Variants in SNAPC4 observed in about 807,000 individuals in gnomAD.
SNAPC4 encodes the protein small nuclear RNA activating complex polypeptide 4.
Under a neutral mutation model 151.3 loss-of-function variants are expected in SNAPC4, and 127 were observed. The observed-to-expected ratio is 0.84, with a 90% confidence interval of 0.73 to 0.97. The LOEUF (loss-of-function observed/expected upper bound fraction) is 0.97. Among genes scored for constraint, SNAPC4 ranks in the 50% least tolerant of loss-of-function variants. The pLI is 0.00. For synonymous variants in SNAPC4, 1,002 were observed against 824.4 expected (o/e 1.22, Z -3.69); for missense variants, 2,186 against 1,935.0 (o/e 1.13, Z -2.43).
At chr9:136,387,393 G>A (rs765552350) in intron 13 of SNAPC4, 92 bp downstream of exon 13, 28 of 922,690 alleles carry the variant, frequency 3.0e-5, no homozygotes, top group African/African-American at 2.3e-4. Context: ...AGCGCTGGCC[G>A]CTGTCCCCCA....
rs554228247 is a variant in SNAPC4, at chr9:136,382,039, G to A, written c.2102C>T (p.Ser701Leu). 1.1e-5 allele frequency: 18 copies of A among 1,601,948 alleles called. No individual in the cohort carries two copies. The highest frequency in any genetic ancestry group is 3.4e-5 in the Admixed American group (2 of 58,764). The change falls in exon 18 of 24, where the codon TCA (serine) becomes TTA (leucine). Residue 701 changes from serine to leucine, a missense_variant. By Grantham distance (145) the Ser-to-Leu change is moderately radical. Coordinates refer to ENST00000684778, the MANE Select transcript of SNAPC4 (RefSeq NM_003086.4). Reference protein sequence around the residue: ...EQLRQPPLPTSSPGVSSGDSV... With the variant: ...EQLRQPPLPTLSPGVSSGDSV... ...GTCACCAGAGCTGACCCCTGGGGATGAGGTGGGCAGGGGTGGCTGCCTCAG... is the reference window on the plus strand; with the variant it reads ...GTCACCAGAGCTGACCCCTGGGGATAAGGTGGGCAGGGGTGGCTGCCTCAG...
At chr9:136,384,881 T>C (rs1833838744) in intron 13 of SNAPC4, 67 bp from the exon 14 acceptor site, 1 of 826,668 alleles carries the variant, frequency 1.2e-6, no homozygotes, top group African/African-American at 1.7e-5. Flanking sequence ...TGCCCCAAGC[T>C]TCTTTAATGG....
intron 22 of SNAPC4, among the ~76,000 whole-genome samples, chr9:136,377,147 C>CA (rs142726740): frequency 0.11 from 15,988 of 152,258 alleles, 1,064 homozygotes; most frequent in Admixed American, 0.18. Flanking sequence ...AATCCAGAGA[C>CA]AAACACAGCC....
At chr9:136,397,867 G>GA (rs1045865541) in intron 2 of SNAPC4, among the ~76,000 whole-genome samples, 2 of 152,004 alleles carry the variant, frequency 1.3e-5, no homozygotes, top group African/African-American at 4.8e-5. Context: ...CTCCTCCCAG[G>GA]ATGGTCCACT....
At position 136,388,820 on chromosome 9, in the gene SNAPC4, C is replaced by G. The variant is rs547312116; in HGVS notation, c.976-229G>C. 3.3e-5 allele frequency among the ~76,000 whole-genome samples: 5 copies of G among 150,174 alleles called. No individual in the cohort carries two copies. The East Asian group carries it at 1.0e-3, about 30-fold the overall frequency. On this transcript the variant is annotated intron_variant, in intron 10 of 23. Coordinates refer to ENST00000684778, the MANE Select transcript of SNAPC4 (RefSeq NM_003086.4). The stretch of plus-strand genomic sequence containing the variant: ...AGGAAGGACCAGGTGAGAGAGGAAT[C>G]AAACCTTCACTTAAGAAAATATTAA...
Position 136,395,678 on chromosome 9 carries a change from G to A in SNAPC4, c.270C>T (p.Asn90=). 6.2e-7 allele frequency: 1 copy of A among 1,613,436 alleles called. No individual in the cohort carries two copies. The highest frequency in any genetic ancestry group is 8.5e-7 in the Non-Finnish European group (1 of 1,179,996). Residue 90 remains asparagine (N), a synonymous_variant, in exon 4 of 24, where the codon AAC becomes AAT. Coordinates refer to ENST00000684778, the MANE Select transcript of SNAPC4 (RefSeq NM_003086.4). ...CCTGGATGACCTCCTGGTAGACCAT[G>A]TTCAGCTGCAGGCAGGTTTCTGGGT... ...PEDPETCLQL[N]MVYQEVIQEK... is the part of the protein sequence containing the mutation.
Position 136,378,845 on chromosome 9 carries a change from T to G in SNAPC4, c.2982A>C (p.Ser994=), listed in dbSNP as rs900483929. 6.2e-7 allele frequency: 1 copy of G among 1,607,120 alleles called. No homozygotes were observed. The highest frequency in any genetic ancestry group is 1.3e-5 in the African/African-American group (1 of 74,844). The change falls in exon 22 of 24, where the codon TCA becomes TCC. Residue 994 remains serine (S), a synonymous_variant. Coordinates refer to ENST00000684778, the MANE Select transcript of SNAPC4 (RefSeq NM_003086.4). ...MQALPLAPVF[S]EAEGTAPAAS... ...CAGCAGGGGCTGTGCCCTCGGCCTC[T>G]GAGAAGACAGGAGCGAGGGGCAGGG...
rs371988519 is a variant in SNAPC4, at chr9:136,392,662, G to A, written c.737+11C>T. The A allele has an allele frequency of 1.2e-6, 2 of 1,613,208 alleles. No homozygotes were observed. The highest frequency in any genetic ancestry group is 2.2e-5 in the East Asian group (1 of 44,874). ...GGGCTCCCCTGGGCCCTCCCGGGAG[G>A]CCCCCCTCACTTGATGTCCTGGATC... On this transcript the variant is annotated intron_variant, in intron 8 of 23. Coordinates refer to ENST00000684778, the MANE Select transcript of SNAPC4 (RefSeq NM_003086.4).
chr9:136,379,033 G>C lies in SNAPC4; in HGVS notation c.2794C>G (p.Pro932Ala), dbSNP rs150618384. 1,991 of 1,598,372 alleles carry C rather than the reference G, an allele frequency of 1.2e-3. 3 individuals carry two copies. The highest frequency in any genetic ancestry group is 9.3e-3 in the Middle Eastern group (56 of 6,024). The change falls in exon 22 of 24, where the codon CCT becomes GCT. Residue 932 changes from proline (P) to alanine (A), a missense_variant. Physicochemically the swap from Pro to Ala is conservative, Grantham distance 27. Coordinates refer to ENST00000684778, the MANE Select transcript of SNAPC4 (RefSeq NM_003086.4). ...LVSSSVILQPPLPHTPHGRPA... is the reference protein window; with the variant it reads ...LVSSSVILQPALPHTPHGRPA... Reference sequence around the variant, plus strand: ...CGGCCGTGTGGGGTGTGTGGTAGAGGGGGCTGGAGGATCACAGACGAGGAG... The same window carrying C: ...CGGCCGTGTGGGGTGTGTGGTAGAGCGGGCTGGAGGATCACAGACGAGGAG...
At chr9:136,382,217 G>A (rs1267981257) in intron 17 of SNAPC4, 36 bp downstream of exon 17, 2 of 1,603,042 alleles carry the variant, frequency 1.2e-6, no homozygotes, top group Non-Finnish European at 1.7e-6. Context: ...CGGGGCACGT[G>A]GTGGCGTGCG....
intron 10 of SNAPC4, among the ~76,000 whole-genome samples, chr9:136,390,037 C>T (rs970839193): frequency 4.6e-5 from 7 of 152,192 alleles, no homozygotes; most frequent in Admixed American, 4.6e-4. Flanking sequence ...CCAAAAATCA[C>T]AAGGAGAAAA....
At chr9:136,381,254 G>T in intron 19 of SNAPC4, 68 bp downstream of exon 19, 1 of 1,282,834 alleles carries the variant, frequency 7.8e-7, no homozygotes, top group Non-Finnish European at 1.1e-6. Flanking sequence ...ATCTACTGCA[G>T]ATTTCAAAAC....
At chr9:136,396,141 G>A (rs182560679) in intron 3 of SNAPC4, among the ~76,000 whole-genome samples, 117 of 152,348 alleles carry the variant, frequency 7.7e-4, no homozygotes, top group African/African-American at 2.7e-3. Context: ...AAAGCACGGG[G>A]AGCAAGCCTG....
chr9:136,396,840 T>A, intron 3 of SNAPC4, 137 bp downstream of exon 3: 1 of 758,562 alleles, frequency 1.3e-6, no homozygotes, highest in South Asian at 1.5e-5. Context: ...GCTTTTTAAT[T>A]TTTTTATAAC....
intron 10 of SNAPC4, among the ~76,000 whole-genome samples, chr9:136,391,563 C>A (rs1233094632): frequency 3.3e-5 from 3 of 91,718 alleles, no homozygotes; most frequent in Non-Finnish European, 7.8e-5. Context: ...TGAGTCCTTA[C>A]TCAGGAAACC....
chr9:136,380,648 GGGTGGGGC>G, intron 20 of SNAPC4, 84 bp downstream of exon 20: 1 of 702,076 alleles, frequency 1.4e-6, no homozygotes, highest in Non-Finnish European at 2.5e-6. Context: ...GCGGTGGAGC[GGGTGGGGC>G]GGGCAGCCAG....
At position 136,379,241 on chromosome 9, in the gene SNAPC4, C is replaced by T; in HGVS notation, c.2586G>A (p.Gly862=). 12 of 1,612,656 alleles carry T rather than the reference C, an allele frequency of 7.4e-6. No homozygotes were observed. The highest frequency in any genetic ancestry group is 1.0e-5 in the Non-Finnish European group (12 of 1,179,942). Residue 862 remains glycine, a synonymous_variant, in exon 22 of 24, where the codon GGG becomes GGA. Transcript: ENST00000684778. ...QEASKSASHK[G]SRRLASSRVE... is the part of the protein sequence containing the mutation. Reference sequence around the variant, plus strand: ...CCCGGCTGGACGCCAGTCTTCGGCTCCCTTTGTGGCTGGCACTCTTTGAGG... The same window carrying T: ...CCCGGCTGGACGCCAGTCTTCGGCTTCCTTTGTGGCTGGCACTCTTTGAGG...
Position 136,383,274 on chromosome 9 carries a change from G to C in SNAPC4, c.1895C>G (p.Ala632Gly), listed in dbSNP as rs375583446. The change falls in exon 16 of 24, where the codon GCC becomes GGC. Residue 632 changes from alanine to glycine, a missense_variant. Transcript: ENST00000684778. The surrounding 1 kb of genome is among the most constrained non-coding windows in gnomAD (Gnocchi z 4.2). ...CCTCGGGACAGGGCCGTGGGCCCTG[G>C]CAGGGACCTGCACCGGACTCGTCTC... is the stretch of plus-strand genomic sequence containing the variant. ...GEETSPVQVP[A>G]RAHGPVPRSA... is the part of the protein sequence containing the mutation. 226 of 1,611,554 alleles carry C rather than the reference G, an allele frequency of 1.4e-4. No individual in the cohort carries two copies. The highest frequency in any genetic ancestry group is 1.7e-4 in the Non-Finnish European group (201 of 1,179,388).
At chr9:136,388,356 T>C in intron 11 of SNAPC4, 88 bp downstream of exon 11, 1 of 1,397,658 alleles carries the variant, frequency 7.2e-7, no homozygotes, top group Non-Finnish European at 9.9e-7. Flanking sequence ...GTCTTGTTGC[T>C]TCTCTGTGAA....
Sources: allele counts gnomAD v4.1 joint callset (sites outside exome capture counted in the v4.1 genomes callset), GRCh38; gene constraint gnomAD v4.1.1; non-coding constraint Gnocchi (gnomAD v3.1); transcripts MANE v1.5; gene names NCBI Gene and HGNC (gene_info 2026-07-23, HGNC 2026-07-21).